Variants in CLSTN2 observed in about 807,000 individuals in gnomAD.
CLSTN2 encodes calsyntenin-2.
In CLSTN2, 48 loss-of-function variants were observed where a neutral mutation model predicts 101.2. That is an observed-to-expected ratio of 0.47 (90% CI 0.38 to 0.60). The LOEUF (loss-of-function observed/expected upper bound fraction) is 0.60, where lower values mean the gene tolerates loss of function less well. Among genes scored for constraint, CLSTN2 ranks in the 20% least tolerant of loss-of-function variants. The pLI, the probability that CLSTN2 is intolerant of heterozygous loss-of-function variation, is 0.00. For missense variants in CLSTN2, 1,160 were observed against 1,238.2 expected (o/e 0.94, Z 0.95); for synonymous variants, 481 against 463.6 (o/e 1.04, Z -0.48).
At chr3:140,147,984 G>A (rs1289875848) in intron 1 of CLSTN2, among the ~76,000 whole-genome samples, 1 of 152,230 alleles carries the variant, frequency 6.6e-6, no homozygotes, top group East Asian at 1.9e-4. Context: ...CAGGGGGGAT[G>A]CGGATGTAGC....
intron 2 of CLSTN2, among the ~76,000 whole-genome samples, chr3:140,252,850 A>G (rs1483306771): frequency 6.6e-6 from 1 of 152,020 alleles, no homozygotes. Context: ...AGCAGCTGAG[A>G]AAGCCTGTGA....
intron 12 of CLSTN2, among the ~76,000 whole-genome samples, chr3:140,561,687 T>A (rs1446229725): frequency 6.6e-6 from 1 of 152,066 alleles, no homozygotes; most frequent in Admixed American, 6.5e-5. Context: ...GAGACTACGA[T>A]CACATGGAGA....
intron 2 of CLSTN2, among the ~76,000 whole-genome samples, chr3:140,268,247 C>T (rs538171495): frequency 1.3e-5 from 2 of 152,256 alleles, no homozygotes; most frequent in South Asian, 4.2e-4. Context: ...CAGCAGAGGG[C>T]TGGGCCAGGA....
intron 1 of CLSTN2, among the ~76,000 whole-genome samples, chr3:140,069,539 G>C (rs1323965717): frequency 1.3e-5 from 2 of 152,182 alleles, no homozygotes; most frequent in Non-Finnish European, 2.9e-5. Context: ...TTCCATGCCT[G>C]AATGACAAGC....
intron 1 of CLSTN2, among the ~76,000 whole-genome samples, chr3:140,151,578 G>T (rs1219221980): frequency 6.6e-6 from 1 of 152,080 alleles, no homozygotes; most frequent in Non-Finnish European, 1.5e-5. Context: ...GTTTTAAAGA[G>T]GCCGTGCTTC....
chr3:140,325,945 G>C (rs1425664400), intron 2 of CLSTN2, among the ~76,000 whole-genome samples: 1 of 152,130 alleles, frequency 6.6e-6, no homozygotes, highest in Non-Finnish European at 1.5e-5. Flanking sequence ...AGTAAAAATG[G>C]CCTTACTATC....
chr3:140,053,427 A>C (rs2008039883), intron 1 of CLSTN2, among the ~76,000 whole-genome samples: 3 of 152,164 alleles, frequency 2.0e-5, no homozygotes. Flanking sequence ...GTGGGGACAG[A>C]GGTCAGAGTC....
chr3:140,257,066 T>C (rs954555381), intron 2 of CLSTN2, among the ~76,000 whole-genome samples: 1 of 152,164 alleles, frequency 6.6e-6, no homozygotes, highest in Non-Finnish European at 1.5e-5. Context: ...CTTAATATTT[T>C]TTTAAAAAAC....
intron 2 of CLSTN2, among the ~76,000 whole-genome samples, chr3:140,268,337 A>G (rs2086713701): frequency 6.6e-6 from 1 of 152,188 alleles, no homozygotes; most frequent in Non-Finnish European, 1.5e-5. Flanking sequence ...GTCCAGCAGT[A>G]CAACACCCCC....
chr3:140,573,248 G>T lies in CLSTN2; in HGVS notation c.*6995G>T, dbSNP rs895920090. On this transcript the variant is annotated 3_prime_UTR_variant, in exon 17 of 17. Transcript: ENST00000458420. ...GGTCATTTAAGGACGTTGCCAGGTT[G>T]CCGCAGCACTGCTCTGTTTGTTTGT... The T allele has an allele frequency of 6.6e-6, 1 of 152,258 alleles. No individual in the cohort carries two copies. The highest frequency in any genetic ancestry group is 1.5e-5 in the Non-Finnish European group (1 of 68,092). 9.4% of individuals were successfully genotyped at this position (152,258 alleles called of 1,614,324 possible). A position where few individuals can be genotyped will look rare whatever the true frequency, so the allele number is the denominator to read the frequency against.
At chr3:139,939,533 C>A (rs1935091094) in intron 1 of CLSTN2, among the ~76,000 whole-genome samples, 1 of 152,142 alleles carries the variant, frequency 6.6e-6, no homozygotes, top group Non-Finnish European at 1.5e-5. Flanking sequence ...GTGGTCCTGC[C>A]CACAGAAGAG....
chr3:140,132,367 A>C (rs1159776106), intron 1 of CLSTN2, among the ~76,000 whole-genome samples: 2 of 152,218 alleles, frequency 1.3e-5, no homozygotes, highest in African/African-American at 2.4e-5. Context: ...GAATGCATAC[A>C]TCTTCCAAAA....
chr3:139,971,513 A>C (rs1248741342), intron 1 of CLSTN2, among the ~76,000 whole-genome samples: 2 of 152,216 alleles, frequency 1.3e-5, no homozygotes, highest in Non-Finnish European at 2.9e-5. Context: ...TGTAGAATGC[A>C]GAGCATTGCA....
At chr3:140,541,745 C>A (rs1233748677) in intron 9 of CLSTN2, among the ~76,000 whole-genome samples, 1 of 152,142 alleles carries the variant, frequency 6.6e-6, no homozygotes, top group Non-Finnish European at 1.5e-5. Flanking sequence ...CCTTCCCTGC[C>A]ACAGTCACAC....
chr3:140,261,886 T>A (rs1384952064), intron 2 of CLSTN2, among the ~76,000 whole-genome samples: 1 of 152,132 alleles, frequency 6.6e-6, no homozygotes, highest in East Asian at 1.9e-4. Flanking sequence ...CCACCTTCTA[T>A]TTTTTTATGG....
intron 8 of CLSTN2, among the ~76,000 whole-genome samples, chr3:140,503,036 TG>T (rs1934612775): frequency 6.6e-6 from 1 of 152,214 alleles, no homozygotes; most frequent in Non-Finnish European, 1.5e-5. Flanking sequence ...CAACACGCCA[TG>T]GCTTATAGCC....
chr3:140,105,730 C>T (rs1302693671), intron 1 of CLSTN2, among the ~76,000 whole-genome samples: 2 of 152,156 alleles, frequency 1.3e-5, no homozygotes, highest in Non-Finnish European at 2.9e-5. Flanking sequence ...TAGAGAAGGC[C>T]TCATAGACAT....
chr3:140,563,353 G>C, intron 15 of CLSTN2, 150 bp downstream of exon 15: 1 of 804,278 alleles, frequency 1.2e-6, no homozygotes, highest in Non-Finnish European at 2.0e-6. Flanking sequence ...CCCTGGCTTT[G>C]AGATACTCAC....
chr3:140,079,750 C>CAAAAAAAAAAAAAAAAAAAA (rs548470137), intron 1 of CLSTN2, among the ~76,000 whole-genome samples: 1 of 106,404 alleles, frequency 9.4e-6, no homozygotes, highest in African/African-American at 3.6e-5. Flanking sequence ...GACTATGTCT[C>CAAAAAAAAAAAAAAAAAAAA]AAAAAAAAAA....
Sources: gnomAD v4.1 joint callset for allele counts (sites outside exome capture counted in the v4.1 genomes callset) on GRCh38, gnomAD v4.1.1 for gene constraint, MANE v1.5 for transcripts, NCBI Gene and HGNC (gene_info 2026-07-23, HGNC 2026-07-21) for gene names.